Variants in GAD2 observed in about 807,000 individuals in gnomAD.
GAD2 encodes glutamate decarboxylase 2.
In GAD2, 22 loss-of-function variants were observed where a neutral mutation model predicts 80.1. The ratio of observed to expected loss-of-function variants is 0.27; its 90% CI spans 0.20 to 0.39. The LOEUF (loss-of-function observed/expected upper bound fraction) is 0.39, where lower values mean the gene tolerates loss of function less well. Ranked by LOEUF, GAD2 falls within the 10% of genes least tolerant of loss-of-function variation. The pLI, the probability that GAD2 is intolerant of heterozygous loss-of-function variation, is 1.00. For missense variants in GAD2, 624 were observed against 738.4 expected (o/e 0.85, Z 1.80); for synonymous variants, 274 against 256.9 (o/e 1.07, Z -0.64).
rs1177483694 is a variant in GAD2, at chr10:26,302,552, G to A, written c.*1591G>A. The A allele has an allele frequency of 1.3e-5, 2 of 152,174 alleles. No homozygotes were observed. Among genetic ancestry groups the A allele is most frequent in the East Asian group, 3.8e-4 (2 of 5,200 alleles). 9.4% of individuals were successfully genotyped at this position (152,174 alleles called of 1,614,324 possible). A position where few individuals can be genotyped will look rare whatever the true frequency, so the allele number is the denominator to read the frequency against. ...TATGCAGACTGCAAATGCAAATTTA[G>A]GAACATTCTCCATTTCTGAATGGAC... is the stretch of plus-strand genomic sequence containing the variant. On this transcript the variant is annotated 3_prime_UTR_variant, in exon 16 of 16. Transcript: ENST00000376261.
chr10:26,236,063 G>C (rs1659937521), intron 7 of GAD2, among the ~76,000 whole-genome samples: 1 of 152,100 alleles, frequency 6.6e-6, no homozygotes, highest in African/African-American at 2.4e-5. Flanking sequence ...GGCCCCTTGT[G>C]GCTTCGACCC....
At chr10:26,296,502 C>A (rs1395784740) in intron 15 of GAD2, among the ~76,000 whole-genome samples, 1 of 152,148 alleles carries the variant, frequency 6.6e-6, no homozygotes, top group African/African-American at 2.4e-5. Context: ...CTTCCTGCTG[C>A]TCTGTCAGGA....
intron 8 of GAD2, among the ~76,000 whole-genome samples, chr10:26,262,786 GTTAT>G (rs1845023919): frequency 6.6e-6 from 1 of 150,686 alleles, no homozygotes; most frequent in Non-Finnish European, 1.5e-5. Context: ...GGACTCCAAA[GTTAT>G]TTATTTAGAG....
At chr10:26,267,020 A>G (rs1845081271) in intron 8 of GAD2, among the ~76,000 whole-genome samples, 1 of 152,154 alleles carries the variant, frequency 6.6e-6, no homozygotes, top group Admixed American at 6.5e-5. Context: ...CATGTCTTGG[A>G]GCCCCTTCCA....
intron 8 of GAD2, 140 bp downstream of exon 8, chr10:26,246,140 T>A: frequency 1.6e-6 from 1 of 635,722 alleles, no homozygotes; most frequent in Non-Finnish European, 2.7e-6. Flanking sequence ...CGTTTCTTTT[T>A]AACATGGGCT....
At chr10:26,244,040 C>T (rs146411155) in intron 7 of GAD2, among the ~76,000 whole-genome samples, 9 of 152,270 alleles carry the variant, frequency 5.9e-5, no homozygotes, top group African/African-American at 1.4e-4. Context: ...ACTAAATAAA[C>T]GACTGTATTC....
intron 15 of GAD2, among the ~76,000 whole-genome samples, chr10:26,297,040 G>A (rs1305842805): frequency 6.6e-6 from 1 of 151,964 alleles, no homozygotes. Flanking sequence ...TCAGCCTGCC[G>A]AGTAGCTGGG....
intron 7 of GAD2, among the ~76,000 whole-genome samples, chr10:26,241,609 A>G (rs1364794903): frequency 2.0e-5 from 3 of 151,388 alleles, no homozygotes; most frequent in Non-Finnish European, 4.4e-5. Flanking sequence ...TGATTTTCCT[A>G]ACAAAACTTT....
chr10:26,260,989 A>G (rs939395290), intron 8 of GAD2, among the ~76,000 whole-genome samples: 4 of 152,244 alleles, frequency 2.6e-5, no homozygotes, highest in African/African-American at 9.6e-5. Flanking sequence ...TAAGCACATC[A>G]TGGAGAATAG....
intron 14 of GAD2, 143 bp downstream of exon 14, chr10:26,292,715 G>A: frequency 1.2e-6 from 1 of 860,798 alleles, no homozygotes; most frequent in South Asian, 1.6e-5. Flanking sequence ...ATTCCAAGCT[G>A]GAATAAAGAC....
At chr10:26,250,325 A>G (rs1211523571) in intron 8 of GAD2, among the ~76,000 whole-genome samples, 2 of 152,202 alleles carry the variant, frequency 1.3e-5, no homozygotes, top group African/African-American at 4.8e-5. Flanking sequence ...CAATTTTAGA[A>G]GTCATTAGAA....
At chr10:26,277,236 C>G (rs1180663589) in intron 11 of GAD2, among the ~76,000 whole-genome samples, 1 of 152,178 alleles carries the variant, frequency 6.6e-6, no homozygotes, top group Non-Finnish European at 1.5e-5. Context: ...GGAGAAAGTT[C>G]AAACCCGTTT....
chr10:26,281,180 G>A, intron 12 of GAD2, 93 bp downstream of exon 12: 2 of 927,922 alleles, frequency 2.2e-6, no homozygotes, highest in South Asian at 2.7e-5. Context: ...AGATCACCGG[G>A]TCTTCTCTAT....
At chr10:26,277,181 A>C (rs1008719838) in intron 11 of GAD2, among the ~76,000 whole-genome samples, 3 of 152,234 alleles carry the variant, frequency 2.0e-5, no homozygotes, top group Non-Finnish European at 1.5e-5. Context: ...GGAAAAGGGC[A>C]TTCAGGCTGA....
chr10:26,273,130 G>T (rs1321004706), intron 10 of GAD2, among the ~76,000 whole-genome samples: 2 of 152,190 alleles, frequency 1.3e-5, no homozygotes, highest in African/African-American at 4.8e-5. Flanking sequence ...TAACTGGTAT[G>T]AATCTTCCCT....
In GAD2 at chr10:26,292,396, A is replaced by C. The variant is rs941006866; in HGVS notation, c.1387-69A>C. On this transcript the variant is annotated intron_variant, in intron 13 of 15. Coordinates refer to ENST00000376261, the MANE Select transcript of GAD2 (RefSeq NM_001134366.2). ...AGACAGAGACGGCAGGATGACGGTC[A>C]GTCTCCAGGGAAATCGCTTCCTCCG... 4.5e-6 allele frequency: 5 copies of C among 1,108,724 alleles called. No individual in the cohort carries two copies. The African/African-American group carries it at 7.7e-5, about 17-fold the overall frequency. The allele number at this position is 1,108,724 out of a possible 1,614,324, so 68.7% of individuals were successfully genotyped here.
At chr10:26,266,324 A>G (rs1845073085) in intron 8 of GAD2, among the ~76,000 whole-genome samples, 1 of 152,190 alleles carries the variant, frequency 6.6e-6, no homozygotes, top group Non-Finnish European at 1.5e-5. Context: ...GGGGCCATGT[A>G]TTTTAAACCG....
At chr10:26,289,790 C>T (rs906854787) in intron 13 of GAD2, among the ~76,000 whole-genome samples, 19 of 142,030 alleles carry the variant, frequency 1.3e-4, no homozygotes, top group East Asian at 2.1e-4. Context: ...ATCTCCCCCC[C>T]ACCTTTTTTT....
intron 7 of GAD2, among the ~76,000 whole-genome samples, chr10:26,243,681 C>T (rs1332564102): frequency 3.9e-5 from 6 of 152,222 alleles, no homozygotes; most frequent in Admixed American, 3.9e-4. Flanking sequence ...AGTCATTCTG[C>T]CCCAGCCAGT....
Sources: allele counts gnomAD v4.1 joint callset (sites outside exome capture counted in the v4.1 genomes callset), GRCh38; gene constraint gnomAD v4.1.1; transcripts MANE v1.5; gene names NCBI Gene and HGNC (gene_info 2026-07-23, HGNC 2026-07-21).